KCTD16: variants seen among roughly 807,000 people sequenced by gnomAD.
The protein encoded by KCTD16 is potassium channel tetramerization domain containing 16.
KCTD16 carries 13 observed loss-of-function variants against 33.2 expected under a neutral mutation model. That is an observed-to-expected ratio of 0.39 (90% CI 0.25 to 0.62). KCTD16 has a LOEUF of 0.62. KCTD16 is among the 20% of genes least tolerant of loss of function. The pLI, the probability that KCTD16 is intolerant of heterozygous loss-of-function variation, is 0.50. For missense variants in KCTD16, 441 were observed against 525.1 expected (o/e 0.84, Z 1.57); for synonymous variants, 197 against 195.3 (o/e 1.01, Z -0.07).
At chr5:144,226,091 A>G (rs957282301) in intron 3 of KCTD16, among the ~76,000 whole-genome samples, 6 of 152,186 alleles carry the variant, frequency 3.9e-5, no homozygotes, top group African/African-American at 1.2e-4. Flanking sequence ...TCTCCACTTA[A>G]CTGTTTACCT....
intron 3 of KCTD16, among the ~76,000 whole-genome samples, chr5:144,221,710 G>A (rs150494672): frequency 0.011 from 1,743 of 152,078 alleles, 13 homozygotes; most frequent in Middle Eastern, 0.027. Context: ...TATTGTGAAC[G>A]GTACTGTAAT....
rs2217333 is a variant in KCTD16, at chr5:144,390,381, G to A, written c.833-83279G>A. Among the ~76,000 whole-genome samples the A allele has an allele frequency of 4.1e-3, 627 of 152,276 alleles. 6 individuals are homozygous for A. Among genetic ancestry groups the A allele is most frequent in the African/African-American group, 0.014 (592 of 41,554 alleles). On this transcript the variant is annotated intron_variant, in intron 3 of 3. Transcript: ENST00000512467. ...CTGGAATTGGATCTCAGAAGAGAGG[G>A]AAAGATGAGAGTCTAGCTCACAACT... is the stretch of plus-strand genomic sequence containing the variant.
intron 2 of KCTD16, among the ~76,000 whole-genome samples, chr5:144,190,320 G>A (rs938471876): frequency 6.6e-6 from 1 of 152,130 alleles, no homozygotes; most frequent in Non-Finnish European, 1.5e-5. Context: ...TCAAATCCAC[G>A]TTCTGTACAT....
rs1755186213 is a variant in KCTD16 at position 144,267,756 on chromosome 5, A to G, written c.832+60210A>G. Among the ~76,000 whole-genome samples the G allele has an allele frequency of 2.0e-5, 3 of 152,326 alleles. No individual in the cohort carries two copies. In the South Asian group the frequency reaches 6.2e-4, roughly 32 times the overall value. On this transcript the variant is annotated intron_variant, in intron 3 of 3. Coordinates refer to ENST00000512467, the MANE Select transcript of KCTD16 (RefSeq NM_020768.4). ...TTCTTTCCCTGCAAGTCACAAATCT[A>G]TGGTGATATGTTTGAGCTGACAAGA...
intron 3 of KCTD16, among the ~76,000 whole-genome samples, chr5:144,212,420 G>A (rs140317912): frequency 2.0e-5 from 3 of 152,264 alleles, no homozygotes; most frequent in Non-Finnish European, 4.4e-5. Context: ...TTGTGTCAAT[G>A]TATGGGTGAA....
intron 3 of KCTD16, among the ~76,000 whole-genome samples, chr5:144,284,903 A>C (rs138444733): frequency 2.9e-4 from 44 of 152,284 alleles, no homozygotes; most frequent in African/African-American, 1.1e-3. Flanking sequence ...CAGGATTCAG[A>C]GTCGAGGGTC....
intron 3 of KCTD16, among the ~76,000 whole-genome samples, chr5:144,325,616 T>G (rs1752183902): frequency 6.6e-6 from 1 of 152,152 alleles, no homozygotes; most frequent in Non-Finnish European, 1.5e-5. Context: ...CTATTCTCCT[T>G]TCGGCCTAGC....
At chr5:144,450,730 GA>G (rs768587234) in intron 3 of KCTD16, among the ~76,000 whole-genome samples, 1 of 152,070 alleles carries the variant, frequency 6.6e-6, no homozygotes, top group Admixed American at 6.6e-5. Flanking sequence ...CCACTTAAAT[GA>G]GGTATCTAAA....
At chr5:144,204,802 G>C (rs1753122736) in intron 2 of KCTD16, among the ~76,000 whole-genome samples, 1 of 151,916 alleles carries the variant, frequency 6.6e-6, no homozygotes, top group Non-Finnish European at 1.5e-5. Flanking sequence ...TATTTGCTAG[G>C]GGTTGTGGTG....
chr5:144,447,522 G>A lies in KCTD16; in HGVS notation c.833-26138G>A, dbSNP rs148774094. On this transcript the variant is annotated intron_variant, in intron 3 of 3. Coordinates refer to ENST00000512467, the MANE Select transcript of KCTD16 (RefSeq NM_020768.4). ...GTATACCTATGTAACAAACCTGCACGTTCCACACATGTATCCCAGACCTGG... is the reference window on the plus strand; with the variant it reads ...GTATACCTATGTAACAAACCTGCACATTCCACACATGTATCCCAGACCTGG... 2.8e-3 allele frequency among the ~76,000 whole-genome samples: 421 copies of A among 151,788 alleles called. 4 individuals carry two copies. Among genetic ancestry groups the A allele is most frequent in the African/African-American group, 9.4e-3 (388 of 41,400 alleles).
chr5:144,400,753 A>G (rs1752684912), intron 3 of KCTD16, among the ~76,000 whole-genome samples: 1 of 152,208 alleles, frequency 6.6e-6, no homozygotes, highest in Non-Finnish European at 1.5e-5. Flanking sequence ...AAATGCAATG[A>G]AGCAAACAAA....
intron 3 of KCTD16, among the ~76,000 whole-genome samples, chr5:144,311,465 C>T (rs750949704): frequency 3.9e-5 from 6 of 152,012 alleles, no homozygotes; most frequent in Non-Finnish European, 2.9e-5. Flanking sequence ...ATGCTGAAAA[C>T]GTAATTAGAA....
At chr5:144,413,477 G>A (rs1391636563) in intron 3 of KCTD16, among the ~76,000 whole-genome samples, 1 of 151,966 alleles carries the variant, frequency 6.6e-6, no homozygotes, top group Non-Finnish European at 1.5e-5. Flanking sequence ...ATTCATTTAC[G>A]AACTAGTCTA....
intron 3 of KCTD16, among the ~76,000 whole-genome samples, chr5:144,453,814 C>G (rs1386253986): frequency 1.3e-5 from 2 of 152,036 alleles, no homozygotes; most frequent in Non-Finnish European, 2.9e-5. Flanking sequence ...TAGTAGCTAC[C>G]TATTCTACTG....
At chr5:144,224,533 C>A (rs2126807018) in intron 3 of KCTD16, among the ~76,000 whole-genome samples, 1 of 152,114 alleles carries the variant, frequency 6.6e-6, no homozygotes, top group South Asian at 2.1e-4. Context: ...CTCATACCAG[C>A]CCTATTCTGT....
At chr5:144,182,871 A>G (rs1196580255) in intron 2 of KCTD16, among the ~76,000 whole-genome samples, 3 of 152,162 alleles carry the variant, frequency 2.0e-5, no homozygotes, top group Non-Finnish European at 4.4e-5. Context: ...ACTCCCAGTT[A>G]TGTTTGTTAT....
chr5:144,261,395 A>T (rs1246967536), intron 3 of KCTD16, among the ~76,000 whole-genome samples: 4 of 152,104 alleles, frequency 2.6e-5, no homozygotes, highest in Admixed American at 2.6e-4. Context: ...TGGCAAAGGC[A>T]CCCCTTAAGT....
intron 2 of KCTD16, among the ~76,000 whole-genome samples, chr5:144,195,786 G>A (rs1487306539): frequency 6.6e-6 from 1 of 152,214 alleles, no homozygotes; most frequent in Non-Finnish European, 1.5e-5. Flanking sequence ...GTAATGCAAA[G>A]TGGCACTTTC....
chr5:144,420,064 G>A (rs571802734), intron 3 of KCTD16, among the ~76,000 whole-genome samples: 1 of 152,226 alleles, frequency 6.6e-6, no homozygotes, highest in East Asian at 1.9e-4. Flanking sequence ...CAGGTACTAA[G>A]TACTGTTCTC....
Sources: allele counts gnomAD v4.1 joint callset (sites outside exome capture counted in the v4.1 genomes callset), GRCh38; gene constraint gnomAD v4.1.1; transcripts MANE v1.5; gene names NCBI Gene and HGNC (gene_info 2026-07-23, HGNC 2026-07-21).